DHX9: variants seen among roughly 807,000 people sequenced by gnomAD.
DHX9 encodes the protein DExH-box helicase 9, also known as ATP-dependent RNA helicase A.
Under a neutral mutation model 148.7 loss-of-function variants are expected in DHX9, and 27 were observed. The observed-to-expected ratio is 0.18, with a 90% CI of 0.13 to 0.25. The LOEUF (loss-of-function observed/expected upper bound fraction) is 0.25, where lower values mean the gene tolerates loss of function less well. DHX9 is among the 10% of genes least tolerant of loss of function. DHX9 has a pLI of 1.00. For synonymous variants in DHX9, 529 were observed against 516.6 expected, an observed-to-expected ratio of 1.02 and a Z score of -0.33; for missense variants, 796 against 1,559.6, an observed-to-expected ratio of 0.51 and a Z score of 8.25.
intron 14 of DHX9, among the ~76,000 whole-genome samples, chr1:182,871,302 T>C (rs1206990660): frequency 6.6e-6 from 1 of 152,144 alleles, no homozygotes; most frequent in Non-Finnish European, 1.5e-5. Context: ...TTGGGACTAA[T>C]AGGAAAGTAT....
chr1:182,879,169 C>A, intron 20 of DHX9, 81 bp from the exon 21 acceptor site: 2 of 1,191,318 alleles, frequency 1.7e-6, no homozygotes, highest in South Asian at 2.6e-5. Flanking sequence ...CTCTGTATCC[C>A]TGATTACCTT....
At position 182,866,461 on chromosome 1, in the gene DHX9, G is replaced by T; in HGVS notation, c.1350G>T (p.Ala450=). 1 of 1,614,056 alleles carries T rather than the reference G, an allele frequency of 6.2e-7. No homozygotes were observed. The highest frequency in any genetic ancestry group is 8.5e-7 in the Non-Finnish European group (1 of 1,179,990). ...IVVTQPRRIS[A]VSVAERVAFE... The stretch of plus-strand genomic sequence containing the variant: ...TGTCTCAGCCCAGAAGAATCAGTGC[G>T]GTTTCTGTGGCAGAGCGAGTTGCAT... Residue 450 remains alanine, a synonymous_variant, in exon 13 of 28, where the codon GCG becomes GCT. Transcript: ENST00000367549.
At chr1:182,848,651 A>G (rs1557964710) in intron 3 of DHX9, among the ~76,000 whole-genome samples, 1 of 152,184 alleles carries the variant, frequency 6.6e-6, no homozygotes, top group Non-Finnish European at 1.5e-5. Context: ...TTTTAACCCC[A>G]CTGTATTATT....
chr1:182,851,617 T>G (rs764075468), intron 3 of DHX9, among the ~76,000 whole-genome samples: 14 of 152,184 alleles, frequency 9.2e-5, no homozygotes, highest in Non-Finnish European at 1.9e-4. Flanking sequence ...GTTGTATAGA[T>G]CTCAGTTCTT....
chr1:182,880,725 A>T, intron 22 of DHX9, 117 bp downstream of exon 22: 1 of 667,656 alleles, frequency 1.5e-6, no homozygotes, highest in East Asian at 2.8e-5. Flanking sequence ...AATGTTCTTC[A>T]GGGAAGTAAC....
intron 3 of DHX9, among the ~76,000 whole-genome samples, chr1:182,848,901 A>G (rs1211022684): frequency 2.0e-5 from 3 of 152,196 alleles, no homozygotes; most frequent in African/African-American, 4.8e-5. Flanking sequence ...TTAAATGACC[A>G]GATCTCATGA....
intron 1 of DHX9, among the ~76,000 whole-genome samples, chr1:182,841,042 A>G (rs942982441): frequency 6.6e-6 from 1 of 152,188 alleles, no homozygotes. Flanking sequence ...CCTGTAATCC[A>G]GCACTTCGGG....
Position 182,846,010 on chromosome 1 carries a change from C to T in DHX9, c.252+2576C>T, listed in dbSNP as rs556248800. On this transcript the variant is annotated intron_variant, in intron 3 of 27. Transcript: ENST00000367549. ...TGATTAAATCGTTGGCCATTGGTGACTTGACCTTCAGCCCTTCTCACTTCC... is the reference window on the plus strand; with the variant it reads ...TGATTAAATCGTTGGCCATTGGTGATTTGACCTTCAGCCCTTCTCACTTCC... Among the ~76,000 whole-genome samples, 171 of 152,214 alleles carry T rather than the reference C, an allele frequency of 1.1e-3. 1 individual carries two copies. The highest frequency in any genetic ancestry group is 6.8e-3 in the South Asian group (33 of 4,820).
chr1:182,844,019 G>A (rs1667979591), intron 3 of DHX9, among the ~76,000 whole-genome samples: 1 of 152,168 alleles, frequency 6.6e-6, no homozygotes, highest in Admixed American at 6.5e-5. Flanking sequence ...AGTGATCTCG[G>A]CTCACTGCAG....
intron 22 of DHX9, 67 bp downstream of exon 22, chr1:182,880,675 A>G: frequency 9.0e-7 from 1 of 1,106,026 alleles, no homozygotes; most frequent in Non-Finnish European, 1.4e-6. Context: ...TCCTCCCTGT[A>G]AAAGCAGTAT....
intron 12 of DHX9, among the ~76,000 whole-genome samples, chr1:182,865,440 T>C (rs954168009): frequency 1.3e-5 from 2 of 152,220 alleles, no homozygotes; most frequent in Admixed American, 6.5e-5. Context: ...TTTGGTAATT[T>C]CTATGAAATA....
At chr1:182,873,508 G>A (rs1648632925) in intron 15 of DHX9, among the ~76,000 whole-genome samples, 2 of 152,202 alleles carry the variant, frequency 1.3e-5, no homozygotes, top group Admixed American at 1.3e-4. Flanking sequence ...TGGATGGCAA[G>A]TGGTGGGAGC....
At chr1:182,842,095 G>T (rs1667942765) in intron 1 of DHX9, among the ~76,000 whole-genome samples, 1 of 152,170 alleles carries the variant, frequency 6.6e-6, no homozygotes, top group South Asian at 2.1e-4. Flanking sequence ...TCCACGGTGG[G>T]TGACTTGGAA....
intron 19 of DHX9, 34 bp downstream of exon 19, chr1:182,876,937 G>T (rs1442756490): frequency 6.6e-7 from 1 of 1,514,492 alleles, no homozygotes; most frequent in Non-Finnish European, 9.1e-7. Flanking sequence ...GTCTGCTCCA[G>T]TGTTACTAAC....
At chr1:182,840,446 C>G (rs1313115371) in intron 1 of DHX9, among the ~76,000 whole-genome samples, 1 of 151,870 alleles carries the variant, frequency 6.6e-6, no homozygotes, top group Non-Finnish European at 1.5e-5. Flanking sequence ...ACTACAGGCG[C>G]GCGCCACCAC....
At chr1:182,855,874 C>A (rs992853783) in intron 6 of DHX9, among the ~76,000 whole-genome samples, 3 of 152,158 alleles carry the variant, frequency 2.0e-5, no homozygotes, top group Non-Finnish European at 4.4e-5. Flanking sequence ...CTTGCTAAAA[C>A]CTAAATTCAT....
chr1:182,859,414 AAAG>A (rs1668314736), intron 11 of DHX9, among the ~76,000 whole-genome samples: 1 of 152,206 alleles, frequency 6.6e-6, no homozygotes, highest in Admixed American at 6.5e-5. Flanking sequence ...AAAATGTTAA[AAAG>A]AATGCGTGTG....
In DHX9 at chr1:182,843,437, A is replaced by G; in HGVS notation, c.252+3A>G. 6.3e-7 allele frequency: 1 copy of G among 1,596,152 alleles called. No individual in the cohort carries two copies. On this transcript the variant is annotated splice_donor_region_variant and intron_variant, in intron 3 of 27. Transcript: ENST00000367549. ...GTGAAGAAGTTCCAGCTTTTGGGGT[A>G]AGTACCTATGGCGAAGCACTTGAGA...
At chr1:182,860,220 C>T in intron 12 of DHX9, 36 bp downstream of exon 12, 1 of 1,442,890 alleles carries the variant, frequency 6.9e-7, no homozygotes, top group Non-Finnish European at 9.3e-7. Context: ...ACCTAGAGAG[C>T]AGACTATTTC....
Sources: allele counts gnomAD v4.1 joint callset (sites outside exome capture counted in the v4.1 genomes callset), GRCh38; gene constraint gnomAD v4.1.1; transcripts MANE v1.5; gene names NCBI Gene and HGNC (gene_info 2026-07-23, HGNC 2026-07-21).